Variants in MSH4 observed in about 807,000 individuals in gnomAD.
MSH4 encodes mutS homolog 4.
In MSH4, 106 loss-of-function variants were observed where a neutral mutation model predicts 113.7. That is an observed-to-expected ratio of 0.93 (90% CI 0.80 to 1.10). The LOEUF (loss-of-function observed/expected upper bound fraction) is 1.10. Ranked by LOEUF, MSH4 falls within the 50% of genes least tolerant of loss-of-function variation. The pLI, the probability that MSH4 is intolerant of heterozygous loss-of-function variation, is 0.00. For missense variants in MSH4, 1,061 were observed against 1,093.7 expected (o/e 0.97, Z 0.42); for synonymous variants, 368 against 380.2 (o/e 0.97, Z 0.37).
chr1:75,832,905 A>G (rs941020839), intron 7 of MSH4, among the ~76,000 whole-genome samples: 5 of 152,172 alleles, frequency 3.3e-5, no homozygotes, highest in African/African-American at 1.2e-4. Context: ...CACCACTCCT[A>G]TTCAACATAG....
chr1:75,851,086 G>GT (rs964537545), intron 8 of MSH4, among the ~76,000 whole-genome samples: 5 of 152,056 alleles, frequency 3.3e-5, no homozygotes, highest in African/African-American at 9.7e-5. Flanking sequence ...TTTAAAGAAG[G>GT]TTTTTTGTAG....
chr1:75,872,457 G>A (rs1385088417), intron 9 of MSH4, among the ~76,000 whole-genome samples: 3 of 152,218 alleles, frequency 2.0e-5, no homozygotes, highest in Non-Finnish European at 4.4e-5. Flanking sequence ...CTGGATAATG[G>A]TGTAAGTGTC....
At chr1:75,891,720 C>T (rs1652258411) in intron 17 of MSH4, among the ~76,000 whole-genome samples, 1 of 152,124 alleles carries the variant, frequency 6.6e-6, no homozygotes. Context: ...TCCCAAAGTG[C>T]TGTGATTGCA....
intron 19 of MSH4, among the ~76,000 whole-genome samples, chr1:75,900,527 G>A (rs938871964): frequency 6.6e-6 from 1 of 151,898 alleles, no homozygotes; most frequent in Non-Finnish European, 1.5e-5. Flanking sequence ...GGTTGGTCTC[G>A]AACTCCTGAC....
In MSH4 at chr1:75,853,430, C is replaced by T. The variant is rs139933849; in HGVS notation, c.1230+5154C>T. 4.4e-4 allele frequency among the ~76,000 whole-genome samples: 67 copies of T among 152,128 alleles called. 1 individual carries two copies. Among genetic ancestry groups the T allele is most frequent in the African/African-American group, 1.5e-3 (62 of 41,482 alleles). ...CAGAAATACCACAGAAGTGATGATGCGTTCTTCTCATTGCATCTTCTTATA... is the reference window on the plus strand; with the variant it reads ...CAGAAATACCACAGAAGTGATGATGTGTTCTTCTCATTGCATCTTCTTATA... On this transcript the variant is annotated intron_variant, in intron 8 of 19. Coordinates refer to ENST00000263187, the MANE Select transcript of MSH4 (RefSeq NM_002440.4).
intron 7 of MSH4, among the ~76,000 whole-genome samples, chr1:75,825,575 A>T (rs1557497799): frequency 6.6e-6 from 1 of 152,182 alleles, no homozygotes; most frequent in Non-Finnish European, 1.5e-5. Flanking sequence ...GTTTTTGCCC[A>T]TTCAATATGA....
At chr1:75,871,490 T>G (rs1000647521) in intron 9 of MSH4, among the ~76,000 whole-genome samples, 2 of 152,184 alleles carry the variant, frequency 1.3e-5, no homozygotes, top group African/African-American at 4.8e-5. Context: ...TAATAAATGG[T>G]ACCAAAAATG....
At position 75,878,828 on chromosome 1, in the gene MSH4, GAAA is replaced by G. The variant is rs71793168; in HGVS notation, c.1541-152_1541-150del. ...TGGGCGACAGAGTGAGATCTGTCTTGAAAAAAAAAAAAAATTATTAGAGTTTGA... is the reference window on the plus strand; with the variant it reads ...TGGGCGACAGAGTGAGATCTGTCTTGAAAAAAAAAAATTATTAGAGTTTGA... On this transcript the variant is annotated intron_variant, in intron 11 of 19. Transcript: ENST00000263187. 1.1e-4 allele frequency among the ~76,000 whole-genome samples: 16 copies of G among 140,374 alleles called. No homozygotes were observed. In the South Asian group the frequency reaches 2.0e-3, roughly 17 times the overall value. The allele number at this position is 140,374 out of a possible 152,430, so 92.1% of individuals were successfully genotyped here.
intron 8 of MSH4, among the ~76,000 whole-genome samples, chr1:75,860,400 C>T (rs1376176582): frequency 6.6e-6 from 1 of 152,118 alleles, no homozygotes; most frequent in East Asian, 1.9e-4. Flanking sequence ...GTGGTTGGTA[C>T]TGGTTATTCC....
At chr1:75,901,404 A>G (rs1652503355) in intron 19 of MSH4, among the ~76,000 whole-genome samples, 1 of 152,164 alleles carries the variant, frequency 6.6e-6, no homozygotes, top group Non-Finnish European at 1.5e-5. Context: ...GAGTGAGAAC[A>G]TGTGGTATTT....
chr1:75,798,716 T>G (rs1047543277), intron 1 of MSH4, among the ~76,000 whole-genome samples: 1 of 151,378 alleles, frequency 6.6e-6, no homozygotes, highest in Non-Finnish European at 1.5e-5. Flanking sequence ...CCCCTACAGA[T>G]GGCTAATTTA....
chr1:75,904,599 C>A (rs1652580514), intron 19 of MSH4, among the ~76,000 whole-genome samples: 1 of 151,766 alleles, frequency 6.6e-6, no homozygotes, highest in East Asian at 1.9e-4. Context: ...GCTTACTTGA[C>A]CTCCTAGCTC....
chr1:75,850,512 G>A (rs149943900), intron 8 of MSH4, among the ~76,000 whole-genome samples: 2 of 152,170 alleles, frequency 1.3e-5, no homozygotes, highest in African/African-American at 4.8e-5. Context: ...AATGATCAGA[G>A]ACCATGTATT....
At chr1:75,912,254 T>C (rs1362942879) in intron 19 of MSH4, among the ~76,000 whole-genome samples, 2 of 152,124 alleles carry the variant, frequency 1.3e-5, no homozygotes, top group Non-Finnish European at 2.9e-5. Context: ...AAGTAGGAGA[T>C]AGCAGAGTAG....
chr1:75,819,055 C>T (rs963827394), intron 6 of MSH4, among the ~76,000 whole-genome samples: 2 of 152,062 alleles, frequency 1.3e-5, no homozygotes, highest in African/African-American at 2.4e-5. Flanking sequence ...TGTAAGCCAC[C>T]GTGCCCGGCC....
At chr1:75,909,736 T>G (rs1396903985) in intron 19 of MSH4, among the ~76,000 whole-genome samples, 1 of 150,404 alleles carries the variant, frequency 6.6e-6, no homozygotes, top group Non-Finnish European at 1.5e-5. Flanking sequence ...TTACGATAAC[T>G]CTTTTGAAAC....
intron 15 of MSH4, among the ~76,000 whole-genome samples, chr1:75,886,476 A>ATATATATGATGTATTATATATTACATAT (rs2100578578): frequency 8.0e-6 from 1 of 124,820 alleles, no homozygotes; most frequent in South Asian, 2.4e-4. Flanking sequence ...ATTATATATA[A>ATATATATGATGTATTATATATTACATAT]TATATATGAT....
At chr1:75,885,475 A>T (rs977958063) in intron 15 of MSH4, among the ~76,000 whole-genome samples, 1 of 128,068 alleles carries the variant, frequency 7.8e-6, no homozygotes, top group African/African-American at 2.9e-5. Context: ...ATATACACAC[A>T]CACACACAAA....
intron 7 of MSH4, among the ~76,000 whole-genome samples, chr1:75,844,603 G>C (rs1199110527): frequency 6.6e-6 from 1 of 152,096 alleles, no homozygotes; most frequent in African/African-American, 2.4e-5. Flanking sequence ...TGGGATTATA[G>C]GTGTAAGCCA....
Sources: allele counts gnomAD v4.1 joint callset (sites outside exome capture counted in the v4.1 genomes callset), GRCh38; gene constraint gnomAD v4.1.1; transcripts MANE v1.5; gene names NCBI Gene and HGNC (gene_info 2026-07-23, HGNC 2026-07-21).